The following IGF1R variants were observed in gnomAD, a reference collection of about 807,000 sequenced individuals.
IGF1R encodes insulin like growth factor 1 receptor, also known as insulin-like growth factor 1 receptor.
In IGF1R, 44 loss-of-function variants were observed where a neutral mutation model predicts 144.6. The observed-to-expected ratio is 0.30, with a 90% confidence interval of 0.24 to 0.39. The LOEUF (loss-of-function observed/expected upper bound fraction) is 0.39, where lower values mean the gene tolerates loss of function less well. IGF1R is among the 10% of genes least tolerant of loss of function. The pLI, the probability that IGF1R is intolerant of heterozygous loss-of-function variation, is 1.00. For missense variants in IGF1R, 1,355 were observed against 1,833.7 expected, an observed-to-expected ratio of 0.74 and a Z score of 4.77; for synonymous variants, 795 against 722.8, an observed-to-expected ratio of 1.10 and a Z score of -1.60.
chr15:98,913,474 G>A (rs932580296), intron 8 of IGF1R, among the ~76,000 whole-genome samples, 192 bp downstream of exon 8: 5 of 152,168 alleles, frequency 3.3e-5, no homozygotes, highest in African/African-American at 4.8e-5. Flanking sequence ...TTCTGGCCTC[G>A]GTACTATCTT....
At chr15:98,693,601 ACCT>A (rs1300998776) in intron 1 of IGF1R, among the ~76,000 whole-genome samples, 1 of 151,474 alleles carries the variant, frequency 6.6e-6, no homozygotes, top group Non-Finnish European at 1.5e-5. Context: ...TGATCGAATG[ACCT>A]CCTGTTTTGT....
chr15:98,853,966 CTG>C (rs2011651582), intron 2 of IGF1R, among the ~76,000 whole-genome samples: 2 of 152,256 alleles, frequency 1.3e-5, no homozygotes, highest in African/African-American at 4.8e-5. Flanking sequence ...GGATTTCTCT[CTG>C]TTTTTTTCTC....
intron 1 of IGF1R, among the ~76,000 whole-genome samples, chr15:98,671,097 G>T (rs2052878975): frequency 6.6e-6 from 1 of 152,210 alleles, no homozygotes; most frequent in Non-Finnish European, 1.5e-5. Context: ...TGCAGCCATT[G>T]CAGAGTGAGC....
Position 98,923,733 on chromosome 15 carries a change from A to T in IGF1R, c.2486-143A>T, listed in dbSNP as rs2015589534. ...GATCTCCACTGTCCTGCCCGCGTGG[A>T]TGGGGGCGTTATTCTCAGTGTACGT... is the stretch of plus-strand genomic sequence containing the variant. On this transcript the variant is annotated intron_variant, in intron 11 of 20. Coordinates refer to ENST00000650285, the MANE Select transcript of IGF1R (RefSeq NM_000875.5). 4.2e-6 allele frequency: 3 copies of T among 710,792 alleles called. No individual in the cohort carries two copies. The Admixed American group carries it at 6.0e-5, about 14-fold the overall frequency. 44.0% of individuals were successfully genotyped at this position (710,792 alleles called of 1,614,324 possible).
In IGF1R at chr15:98,684,358, T is replaced by G. The variant is rs117986121; in HGVS notation, c.95-23204T>G. Among the ~76,000 whole-genome samples the G allele has an allele frequency of 4.6e-4, 69 of 150,162 alleles. No individual in the cohort carries two copies. The East Asian group carries it at 0.011, about 23-fold the overall frequency. ...ACCTACTCTGGTTGTGTCTTACAAC[T>G]GTAGCTCTGTGGGGTTTTTTTTGTT... On this transcript the variant is annotated intron_variant, in intron 1 of 20. Coordinates refer to ENST00000650285, the MANE Select transcript of IGF1R (RefSeq NM_000875.5).
At chr15:98,859,264 C>G (rs932404476) in intron 2 of IGF1R, among the ~76,000 whole-genome samples, 1 of 152,060 alleles carries the variant, frequency 6.6e-6, no homozygotes, top group Non-Finnish European at 1.5e-5. Flanking sequence ...TTGCAACAGC[C>G]GATGAGGTAG....
At chr15:98,901,456 G>A (rs143767689) in intron 5 of IGF1R, among the ~76,000 whole-genome samples, 244 of 152,312 alleles carry the variant, frequency 1.6e-3, no homozygotes, top group African/African-American at 5.6e-3. Flanking sequence ...CCATCCTCAC[G>A]ATGATGAGCT....
intron 1 of IGF1R, among the ~76,000 whole-genome samples, chr15:98,675,822 CTTTCTT>C (rs1596170617): frequency 2.6e-5 from 3 of 114,404 alleles, no homozygotes; most frequent in Non-Finnish European, 3.6e-5. Context: ...TTCTTTCTTT[CTTTCTT>C]TTTTTTTTTT....
intron 3 of IGF1R, among the ~76,000 whole-genome samples, chr15:98,892,542 AAAAG>A (rs1377518187): frequency 3.9e-5 from 6 of 152,080 alleles, no homozygotes; most frequent in African/African-American, 1.4e-4. Context: ...AAAAAAAAAA[AAAAG>A]AGAAGTTCGT....
intron 2 of IGF1R, among the ~76,000 whole-genome samples, chr15:98,754,788 A>G (rs936896071): frequency 2.0e-5 from 3 of 152,182 alleles, no homozygotes; most frequent in South Asian, 2.1e-4. Flanking sequence ...GGTGGGAGAA[A>G]TTATCCCCAT....
intron 1 of IGF1R, among the ~76,000 whole-genome samples, chr15:98,656,203 T>A (rs1018488564): frequency 6.6e-6 from 1 of 152,226 alleles, no homozygotes; most frequent in Non-Finnish European, 1.5e-5. Flanking sequence ...GGGGAAGATG[T>A]GCACACCTGT....
At chr15:98,848,348 C>T (rs930580064) in intron 2 of IGF1R, among the ~76,000 whole-genome samples, 5 of 152,210 alleles carry the variant, frequency 3.3e-5, no homozygotes, top group South Asian at 2.1e-4. Flanking sequence ...CCACAGTTTA[C>T]GTGTTCACAC....
chr15:98,909,266 T>TTCTTTTC (rs1328155942), intron 6 of IGF1R, among the ~76,000 whole-genome samples: 18 of 130,464 alleles, frequency 1.4e-4, no homozygotes, highest in Non-Finnish European at 2.2e-4. Context: ...TTTTTCTTTT[T>TTCTTTTC]TTTTTTTTTT....
intron 1 of IGF1R, among the ~76,000 whole-genome samples, chr15:98,676,048 T>G (rs1455258966): frequency 6.6e-6 from 1 of 152,030 alleles, no homozygotes; most frequent in Non-Finnish European, 1.5e-5. Context: ...CTGGCTGGTG[T>G]TGAACTCCCG....
intron 1 of IGF1R, chr15:98,651,201 C>G (rs563973576): frequency 3.7e-6 from 1 of 266,750 alleles, no homozygotes; most frequent in East Asian, 1.8e-4. Context: ...GGCCCCATCA[C>G]CGGGGCAATT....
intron 2 of IGF1R, among the ~76,000 whole-genome samples, chr15:98,835,006 G>A (rs895181529): frequency 1.1e-4 from 16 of 151,908 alleles, no homozygotes; most frequent in Non-Finnish European, 2.2e-4. Flanking sequence ...CTTATATTGA[G>A]TGAAAAGGAA....
rs115357863 is a variant in IGF1R, at chr15:98,696,285, T to A, written c.95-11277T>A. On this transcript the variant is annotated intron_variant, in intron 1 of 20. Transcript: ENST00000650285. ...CTTTGAATTAGATAAACATTTTATC[T>A]GTGCCATCGTTCAAGTAATTGATAA... Among the ~76,000 whole-genome samples the A allele has an allele frequency of 3.4e-3, 518 of 152,326 alleles. 5 individuals are homozygous for A. The highest frequency in any genetic ancestry group is 0.012 in the African/African-American group (490 of 41,566).
At position 98,927,240 on chromosome 15, in the gene IGF1R, T is replaced by A. The variant is rs374835062; in HGVS notation, c.2783-2318T>A. On this transcript the variant is annotated intron_variant, in intron 13 of 20. Coordinates refer to ENST00000650285, the MANE Select transcript of IGF1R (RefSeq NM_000875.5). ...GGCCTTACTGTTGAGAAATTTTTCC[T>A]TATGTCAGACAAGACTCTGTCCTGC... Among the ~76,000 whole-genome samples the A allele has an allele frequency of 1.1e-4, 16 of 152,344 alleles. No homozygotes were observed. In the East Asian group the frequency reaches 1.3e-3, roughly 13 times the overall value.
Position 98,649,548 on chromosome 15 carries a change from T to C in IGF1R, c.-34T>C. 1.5e-6 allele frequency: 1 copy of C among 686,444 alleles called. No individual in the cohort carries two copies. Among genetic ancestry groups the C allele is most frequent in the South Asian group, 2.2e-5 (1 of 44,524 alleles). 42.5% of individuals were successfully genotyped at this position (686,444 alleles called of 1,614,324 possible). On this transcript the variant is annotated 5_prime_UTR_variant, in exon 1 of 21. Coordinates refer to ENST00000650285, the MANE Select transcript of IGF1R (RefSeq NM_000875.5). ...TTCTTTTTTTTTTTTTTTTTTTTTT[T>C]TGAGAAAGGGGAATTTCATCCCAAA...
Sources: gnomAD v4.1 joint callset for allele counts (sites outside exome capture counted in the v4.1 genomes callset) on GRCh38, gnomAD v4.1.1 for gene constraint, MANE v1.5 for transcripts, NCBI Gene and HGNC (gene_info 2026-07-23, HGNC 2026-07-21) for gene names.